Variants in CRCP observed in about 807,000 individuals in gnomAD.
CRCP encodes DNA-directed RNA polymerase III subunit RPC9.
In CRCP, 18 loss-of-function variants were observed where a neutral mutation model predicts 18.5. The observed-to-expected ratio is 0.97, with a 90% CI of 0.67 to 1.44. CRCP has a LOEUF of 1.44. Among genes scored for constraint, CRCP ranks in the 40% most tolerant of loss-of-function variants. The pLI is 0.00. For missense variants in CRCP, 130 were observed against 176.4 expected (o/e 0.74, Z 1.49); for synonymous variants, 53 against 62.9 (o/e 0.84, Z 0.75).
chr7:66,138,835 A>G, intron 4 of CRCP, among the ~76,000 whole-genome samples: 1 of 151,220 alleles, frequency 6.6e-6, no homozygotes, highest in Non-Finnish European at 1.5e-5. Context: ...AAAGATTTTC[A>G]AGTCTTTGGT....
intron 1 of CRCP, among the ~76,000 whole-genome samples, chr7:66,122,951 CTT>C (rs1787491381): frequency 1.6e-5 from 2 of 125,496 alleles, no homozygotes; most frequent in Admixed American, 9.0e-5. Flanking sequence ...TTCTTTCTTT[CTT>C]TCTTTTTTTT....
At chr7:66,148,690 G>T (rs1488953446) in intron 5 of CRCP, among the ~76,000 whole-genome samples, 1 of 152,182 alleles carries the variant, frequency 6.6e-6, no homozygotes, top group Non-Finnish European at 1.5e-5. Context: ...GGAATGATTT[G>T]TGAGCCCTCC....
At chr7:66,139,342 T>C (rs746843210) in intron 4 of CRCP, among the ~76,000 whole-genome samples, 2 of 152,242 alleles carry the variant, frequency 1.3e-5, no homozygotes, top group Non-Finnish European at 2.9e-5. Context: ...TTATTTGTTA[T>C]AACTTCTATT....
rs1198029103 is a variant in CRCP, at chr7:66,114,969, G to A, written c.7G>A (p.Val3Met). 2 of 1,610,190 alleles carry A rather than the reference G, an allele frequency of 1.2e-6. No individual in the cohort carries two copies. Among genetic ancestry groups the A allele is most frequent in the Admixed American group, 1.7e-5 (1 of 59,860 alleles). The change falls in exon 1 of 6, where the codon GTG becomes ATG. Residue 3 changes from valine (V) to methionine (M), a missense_variant and splice_region_variant. Coordinates refer to ENST00000395326, the MANE Select transcript of CRCP (RefSeq NM_014478.5). MEVKDANSALLSN... is the reference protein window; with the variant it reads MEMKDANSALLSN... Reference sequence around the variant, plus strand: ...GGCGACGAGGCGGGACGTCATGGAAGTGTAAGTCTTCTCGGGCGCGTCCCT... The same window carrying A: ...GGCGACGAGGCGGGACGTCATGGAAATGTAAGTCTTCTCGGGCGCGTCCCT...
At chr7:66,145,907 T>C (rs1219831973) in intron 5 of CRCP, among the ~76,000 whole-genome samples, 1 of 152,196 alleles carries the variant, frequency 6.6e-6, no homozygotes, top group South Asian at 2.1e-4. Context: ...GAGGGGAGCA[T>C]GTGTGCGCTG....
chr7:66,149,963 C>T (rs1788407719), intron 5 of CRCP, among the ~76,000 whole-genome samples: 1 of 152,036 alleles, frequency 6.6e-6, no homozygotes, highest in African/African-American at 2.4e-5. Flanking sequence ...CACGCTGCCA[C>T]GCCCAGCTAA....
rs1788507376 is a variant in CRCP, at chr7:66,152,523, T to C, written c.*166T>C. The C allele has an allele frequency of 4.1e-6, 3 of 733,500 alleles. No individual in the cohort carries two copies. Among genetic ancestry groups the C allele is most frequent in the Non-Finnish European group, 6.5e-6 (3 of 463,838 alleles). The allele number at this position is 733,500 out of a possible 1,614,324, so 45.4% of individuals were successfully genotyped here. On this transcript the variant is annotated 3_prime_UTR_variant, in exon 6 of 6. Transcript: ENST00000395326. ...TAAGTTAAAAAGAAATATTTGTGCCTTGGGGAGAAGAAACATGGTGAAAAC... is the reference window on the plus strand; with the variant it reads ...TAAGTTAAAAAGAAATATTTGTGCCCTGGGGAGAAGAAACATGGTGAAAAC...
chr7:66,134,598 G>C (rs1169885062), intron 4 of CRCP: 3 of 331,236 alleles, frequency 9.1e-6, no homozygotes, highest in Non-Finnish European at 1.6e-5. Context: ...TAGTGATACT[G>C]TATTACTCTG....
intron 5 of CRCP, among the ~76,000 whole-genome samples, chr7:66,146,329 A>G (rs982426195): frequency 9.9e-5 from 15 of 152,154 alleles, no homozygotes; most frequent in African/African-American, 3.6e-4. Context: ...GGCCCGGGAA[A>G]TGATCCAGGG....
At chr7:66,143,008 C>G (rs1167117811) in intron 4 of CRCP, among the ~76,000 whole-genome samples, 2 of 152,180 alleles carry the variant, frequency 1.3e-5, no homozygotes, top group African/African-American at 4.8e-5. Flanking sequence ...GTACTACAAA[C>G]TCAAATTTCA....
intron 4 of CRCP, among the ~76,000 whole-genome samples, chr7:66,136,921 T>C (rs926584479): frequency 2.0e-5 from 3 of 151,300 alleles, no homozygotes; most frequent in African/African-American, 7.3e-5. Flanking sequence ...CTACTAAAAA[T>C]ACAAAAAATT....
chr7:66,118,160 T>G (rs550886729), intron 1 of CRCP, among the ~76,000 whole-genome samples: 7 of 152,206 alleles, frequency 4.6e-5, no homozygotes, highest in African/African-American at 1.7e-4. Context: ...GTATTTTTAG[T>G]AGAGACGGGG....
chr7:66,116,488 T>TA (rs34037462), intron 1 of CRCP, among the ~76,000 whole-genome samples: 140 of 135,120 alleles, frequency 1.0e-3, no homozygotes, highest in East Asian at 2.0e-3. Context: ...GGCTCTGTCT[T>TA]AAAAAAAAAA....
Position 66,152,225 on chromosome 7 carries a change from A to G in CRCP, c.315A>G (p.Glu105=), listed in dbSNP as rs766796503. 5.6e-6 allele frequency: 9 copies of G among 1,614,130 alleles called. No individual in the cohort carries two copies. The highest frequency in any genetic ancestry group is 6.8e-6 in the Non-Finnish European group (8 of 1,180,004). ...VEIQLMVEES[E]ERLTEEQIEA... ...TTCTGCAGATGGTGGAAGAGAGTGA[A>G]GAGCGGCTCACGGAGGAGCAGATTG... Residue 105 remains glutamate (E), a synonymous_variant, in exon 6 of 6, where the codon GAA becomes GAG. Transcript: ENST00000395326.
At chr7:66,141,917 G>A (rs1368626234) in intron 4 of CRCP, among the ~76,000 whole-genome samples, 2 of 152,100 alleles carry the variant, frequency 1.3e-5, no homozygotes, top group African/African-American at 4.8e-5. Flanking sequence ...ATGGGGGCCT[G>A]CTGTGACCAC....
rs374076388 is a variant in CRCP at position 66,135,843 on chromosome 7, C to T, written c.239+1469C>T. ...GGCTGAGGCAGGAGAATCGCTTGAACCTGGGAGACGGAGGTTGCGGTGAGC... is the reference window on the plus strand; with the variant it reads ...GGCTGAGGCAGGAGAATCGCTTGAATCTGGGAGACGGAGGTTGCGGTGAGC... On this transcript the variant is annotated intron_variant, in intron 4 of 5. Transcript: ENST00000395326. 3.9e-5 allele frequency among the ~76,000 whole-genome samples: 6 copies of T among 152,104 alleles called. No homozygotes were observed. In the East Asian group the frequency reaches 1.2e-3, roughly 29 times the overall value.
chr7:66,142,794 G>C (rs1485113346), intron 4 of CRCP, among the ~76,000 whole-genome samples: 1 of 152,118 alleles, frequency 6.6e-6, no homozygotes, highest in Non-Finnish European at 1.5e-5. Context: ...ACCGTGCCTG[G>C]CTTCTCCTGG....
At chr7:66,117,466 T>C (rs1397647036) in intron 1 of CRCP, among the ~76,000 whole-genome samples, 1 of 152,186 alleles carries the variant, frequency 6.6e-6, no homozygotes, top group Admixed American at 6.6e-5. Context: ...TCCAATTGCA[T>C]AGACCAAAAA....
chr7:66,130,733 TCTC>T lies in CRCP; in HGVS notation c.46-5_46-3del, dbSNP rs763916073. On this transcript the variant is annotated splice_region_variant and splice_polypyrimidine_tract_variant and intron_variant, in intron 2 of 5. Transcript: ENST00000395326. Reference sequence around the variant, plus strand: ...TTTATTCATAAACGTCTTTTTTGTATCTCCTCCTAGGTATTTCAGTTACTAACT... The same window carrying T: ...TTTATTCATAAACGTCTTTTTTGTATCTCCTAGGTATTTCAGTTACTAACT... The T allele has an allele frequency of 2.6e-6, 4 of 1,523,466 alleles. No individual in the cohort carries two copies. The highest frequency in any genetic ancestry group is 1.8e-6 in the Non-Finnish European group (2 of 1,105,684). The allele number at this position is 1,523,466 out of a possible 1,614,324, so 94.4% of individuals were successfully genotyped here.
Sources: allele counts gnomAD v4.1 joint callset (sites outside exome capture counted in the v4.1 genomes callset), GRCh38; gene constraint gnomAD v4.1.1; transcripts MANE v1.5; gene names NCBI Gene and HGNC (gene_info 2026-07-23, HGNC 2026-07-21).